MGME1: variants seen among roughly 807,000 people sequenced by gnomAD.
The protein encoded by MGME1 is chromosome 20 open reading frame 72.
A neutral mutation model predicts 33.0 loss-of-function variants in MGME1; 22 were observed. That is an observed-to-expected ratio of 0.67 (90% confidence interval 0.48 to 0.95). The LOEUF (loss-of-function observed/expected upper bound fraction) is 0.95. Among genes scored for constraint, MGME1 ranks in the 40% least tolerant of loss-of-function variants. The pLI is 0.00. For synonymous variants in MGME1, 133 were observed against 144.0 expected (o/e 0.92, Z 0.55); for missense variants, 383 against 397.8 (o/e 0.96, Z 0.32).
intron 3 of MGME1, among the ~76,000 whole-genome samples, chr20:17,987,419 A>G (rs2036181632): frequency 6.6e-6 from 1 of 152,242 alleles, no homozygotes; most frequent in African/African-American, 2.4e-5. Flanking sequence ...ATGACTTTGT[A>G]CAAAAAAGAA....
At position 17,969,942 on chromosome 20, in the gene MGME1, T is replaced by A. The variant is rs1157356823; in HGVS notation, c.83T>A (p.Phe28Tyr). 6.2e-7 allele frequency: 1 copy of A among 1,614,104 alleles called. No individual in the cohort carries two copies. The highest frequency in any genetic ancestry group is 8.5e-7 in the Non-Finnish European group (1 of 1,180,038). ...FSVESAALVA[F>Y]STSSYSCGRK... ...GTGGAATCAGCTGCCCTTGTGGCTTTCTCTACTTCCTCTTACTCATGTGGC... is the reference window on the plus strand; with the variant it reads ...GTGGAATCAGCTGCCCTTGTGGCTTACTCTACTTCCTCTTACTCATGTGGC... The change falls in exon 2 of 5, where the codon TTC becomes TAC. Residue 28 changes from phenylalanine (F) to tyrosine (Y), a missense_variant. Phe to Tyr is a conservative substitution (Grantham distance 22). Coordinates refer to ENST00000377710, the MANE Select transcript of MGME1 (RefSeq NM_052865.4).
intron 2 of MGME1, chr20:17,972,698 G>A (rs1015769550): frequency 1.0e-6 from 1 of 985,258 alleles, no homozygotes; most frequent in African/African-American, 1.7e-5. Context: ...AAAGGATCCT[G>A]TAATCTAGGT....
intron 1 of MGME1, among the ~76,000 whole-genome samples, chr20:17,969,498 C>T (rs1473223502): frequency 6.6e-6 from 1 of 152,192 alleles, no homozygotes; most frequent in African/African-American, 2.4e-5. Context: ...CGCCATGGGA[C>T]GGGCTCCATC....
chr20:17,981,713 G>A (rs150215208), intron 3 of MGME1, among the ~76,000 whole-genome samples: 216 of 151,130 alleles, frequency 1.4e-3, no homozygotes, highest in African/African-American at 5.1e-3. Flanking sequence ...TGCCCAGGCT[G>A]GAGTGCAGTG....
At chr20:17,973,982 A>G (rs1199028731) in intron 2 of MGME1, among the ~76,000 whole-genome samples, 8 of 151,938 alleles carry the variant, frequency 5.3e-5, no homozygotes, top group African/African-American at 1.5e-4. Flanking sequence ...ATTGCTTAGC[A>G]TAACAGTCCC....
chr20:17,990,411 G>GGC lies in MGME1; in HGVS notation c.*303_*304insCG, dbSNP rs71194213. ...CTCTTGTACTCCCTTGAGGGACATT[G>GGC]GGGGGGGGGGGGCGTGGTCCCAGGC... On this transcript the variant is annotated 3_prime_UTR_variant, in exon 5 of 5. Coordinates refer to ENST00000377710, the MANE Select transcript of MGME1 (RefSeq NM_052865.4). 7.1e-6 allele frequency: 1 copy of GGC among 140,596 alleles called. No individual in the cohort carries two copies. The highest frequency in any genetic ancestry group is 1.3e-5 in the Non-Finnish European group (1 of 77,726). The allele number at this position is 140,596 out of a possible 1,614,324, so 8.7% of individuals were successfully genotyped here. A position where few individuals can be genotyped will look rare whatever the true frequency, so the allele number is the denominator to read the frequency against.
At position 17,970,340 on chromosome 20, in the gene MGME1, G is replaced by C. The variant is rs769132178; in HGVS notation, c.481G>C (p.Gly161Arg). ...RWKQRMILEL[G>R]EDGFKEYTSN... is the part of the protein sequence containing the mutation. ...GAAACAGCGGATGATTCTGGAACTG[G>C]GAGAAGATGGCTTTAAAGAATACAC... Residue 161 changes from glycine (G) to arginine (R), a missense_variant, in exon 2 of 5, where the codon GGA becomes CGA. Physicochemically the swap from Gly to Arg is moderately radical, Grantham distance 125. Transcript: ENST00000377710. 5 of 1,613,442 alleles carry C rather than the reference G, an allele frequency of 3.1e-6. No homozygotes were observed. Among genetic ancestry groups the C allele is most frequent in the Non-Finnish European group, 8.5e-7 (1 of 1,179,930 alleles).
At chr20:17,983,701 T>G (rs1410229313) in intron 3 of MGME1, among the ~76,000 whole-genome samples, 1 of 152,240 alleles carries the variant, frequency 6.6e-6, no homozygotes, top group Admixed American at 6.5e-5. Context: ...TGATTAGAGA[T>G]ATTGAGCATA....
At chr20:17,979,516 TCTC>T (rs1422281331) in intron 3 of MGME1, among the ~76,000 whole-genome samples, 4 of 151,218 alleles carry the variant, frequency 2.6e-5, no homozygotes, top group Non-Finnish European at 4.4e-5. Flanking sequence ...TTCACGCCAT[TCTC>T]CTACCTCAGC....
intron 3 of MGME1, among the ~76,000 whole-genome samples, chr20:17,985,966 T>C (rs888560689): frequency 2.0e-5 from 3 of 152,224 alleles, no homozygotes; most frequent in Admixed American, 6.5e-5. Context: ...GCCTCCGACT[T>C]CATTCTTTTC....
intron 3 of MGME1, among the ~76,000 whole-genome samples, chr20:17,979,181 A>G (rs1460069290): frequency 6.6e-6 from 1 of 150,390 alleles, no homozygotes; most frequent in African/African-American, 2.5e-5. Flanking sequence ...GGCCCAAGCG[A>G]TTCTCCCACC....
intron 2 of MGME1, among the ~76,000 whole-genome samples, chr20:17,973,367 G>T (rs2122506556): frequency 6.6e-6 from 1 of 152,172 alleles, no homozygotes; most frequent in Middle Eastern, 3.4e-3. Context: ...ATAGTTGAAG[G>T]CCGAGTGCAG....
chr20:17,977,816 A>T (rs1600389148), intron 3 of MGME1, among the ~76,000 whole-genome samples: 1 of 152,288 alleles, frequency 6.6e-6, no homozygotes, highest in African/African-American at 2.4e-5. Flanking sequence ...CAGCCCAGCA[A>T]GGCCCAGCCT....
At chr20:17,989,849 A>T in intron 4 of MGME1, 90 bp from the exon 5 acceptor site, 1 of 1,197,620 alleles carries the variant, frequency 8.3e-7, no homozygotes, top group Non-Finnish European at 1.2e-6. Flanking sequence ...AGATTATTTT[A>T]TACTGAGTTT....
At chr20:17,971,049 C>G (rs1056542501) in intron 2 of MGME1, among the ~76,000 whole-genome samples, 1 of 152,218 alleles carries the variant, frequency 6.6e-6, no homozygotes, top group Non-Finnish European at 1.5e-5. Flanking sequence ...AGTTTCACAT[C>G]AATCATTCCT....
intron 2 of MGME1, 104 bp downstream of exon 2, chr20:17,970,474 C>G: frequency 1.8e-6 from 2 of 1,133,178 alleles, no homozygotes; most frequent in Non-Finnish European, 2.5e-6. Flanking sequence ...AACTTACTAG[C>G]AAGGAACTCC....
At chr20:17,984,447 C>G (rs573248320) in intron 3 of MGME1, among the ~76,000 whole-genome samples, 1 of 152,066 alleles carries the variant, frequency 6.6e-6, no homozygotes, top group Non-Finnish European at 1.5e-5. Flanking sequence ...ACATACTACT[C>G]GTGTTCGTGG....
At position 17,988,258 on chromosome 20, in the gene MGME1, AC is replaced by A. The variant is rs2036203968; in HGVS notation, c.825del (p.Tyr275Ter). The A allele has an allele frequency of 1.9e-6, 3 of 1,613,944 alleles. No individual in the cohort carries two copies. The highest frequency in any genetic ancestry group is 2.5e-6 in the Non-Finnish European group (3 of 1,179,916). ...TFDNPLQVVA[Y>X]MGAMNHDTNY... ...GACAACCCACTGCAAGTTGTGGCATACATGGGTGCCATGAACCATGATACCA... is the reference window on the plus strand; with the variant it reads ...GACAACCCACTGCAAGTTGTGGCATAATGGGTGCCATGAACCATGATACCA... On this transcript the variant is annotated frameshift_variant, in exon 4 of 5. Coordinates refer to ENST00000377710, the MANE Select transcript of MGME1 (RefSeq NM_052865.4). LOFTEE classifies it high-confidence loss of function.
At chr20:17,974,739 G>A (rs2035816833) in intron 2 of MGME1, among the ~76,000 whole-genome samples, 1 of 151,932 alleles carries the variant, frequency 6.6e-6, no homozygotes, top group Admixed American at 6.6e-5. Context: ...ATAGAAAAAT[G>A]TATGAGGGAA....
Sources: allele counts gnomAD v4.1 joint callset (sites outside exome capture counted in the v4.1 genomes callset), GRCh38; gene constraint gnomAD v4.1.1; transcripts MANE v1.5; gene names NCBI Gene and HGNC (gene_info 2026-07-23, HGNC 2026-07-21).